Variants in GBF1 observed in about 807,000 individuals in gnomAD.
The protein encoded by GBF1 is golgi brefeldin A resistant guanine nucleotide exchange factor 1.
Under a neutral mutation model 210.5 loss-of-function variants are expected in GBF1, and 114 were observed. The observed-to-expected ratio is 0.54, with a 90% CI of 0.47 to 0.63. GBF1 has a LOEUF of 0.63. GBF1 is among the 30% of genes least tolerant of loss of function. The probability of loss-of-function intolerance (pLI) is 0.00; values close to 1 mark genes in which losing one functional copy is unlikely to be tolerated. For synonymous variants in GBF1, 850 were observed against 889.2 expected (o/e 0.96, Z 0.78); for missense variants, 1,851 against 2,357.7 (o/e 0.79, Z 4.45).
the GBF1 span, among the ~76,000 whole-genome samples, chr10:102,233,271 C>T: frequency 3.5e-5 from 5 of 143,826 alleles, no homozygotes; most frequent in African/African-American, 1.0e-4. Context: ...TGGTCTGTTT[C>T]GTTTACGACT....
intron 11 of GBF1, 127 bp from the exon 12 acceptor site, chr10:102,360,057 C>T (rs915420021): frequency 2.3e-5 from 17 of 729,782 alleles, no homozygotes; most frequent in Middle Eastern, 3.5e-4. Context: ...TGAGCCATCA[C>T]GCCCAGCCCT....
chr10:102,295,093 C>T (rs1381700548), intron 3 of GBF1, among the ~76,000 whole-genome samples: 1 of 152,190 alleles, frequency 6.6e-6, no homozygotes, highest in Admixed American at 6.5e-5. Context: ...TTCTAATTAA[C>T]AAGTGTGTAT....
intron 3 of GBF1, among the ~76,000 whole-genome samples, chr10:102,282,404 A>G (rs186859041): frequency 1.4e-4 from 21 of 152,232 alleles, no homozygotes; most frequent in African/African-American, 5.1e-4. Flanking sequence ...AAAGGCGATG[A>G]GGTTATTTAT....
At chr10:102,342,245 G>A (rs1273645878) in intron 3 of GBF1, among the ~76,000 whole-genome samples, 1 of 151,952 alleles carries the variant, frequency 6.6e-6, no homozygotes, top group Non-Finnish European at 1.5e-5. Context: ...CACCATGTTA[G>A]CCAGGATGGT....
At chr10:102,237,433 C>A in the GBF1 span, among the ~76,000 whole-genome samples, 1 of 152,132 alleles carries the variant, frequency 6.6e-6, no homozygotes, top group East Asian at 1.9e-4. Context: ...GTGTAGGCCA[C>A]GGGAGATCTG....
chr10:102,332,931 C>A (rs890346263), intron 3 of GBF1, among the ~76,000 whole-genome samples: 4 of 152,196 alleles, frequency 2.6e-5, no homozygotes, highest in Non-Finnish European at 5.9e-5. Flanking sequence ...GAGAAAAGAG[C>A]CACTGTGAAG....
chr10:102,352,652 G>T, intron 7 of GBF1, 134 bp downstream of exon 7: 1 of 686,458 alleles, frequency 1.5e-6, no homozygotes, highest in Non-Finnish European at 2.7e-6. Flanking sequence ...ATGGGGGGTA[G>T]TTCTCTGGGC....
chr10:102,369,157 T>C, intron 23 of GBF1, 54 bp from the exon 24 acceptor site: 3 of 1,340,352 alleles, frequency 2.2e-6, no homozygotes, highest in Non-Finnish European at 3.2e-6. Flanking sequence ...CCTAAGAGAT[T>C]TTCCTTTCCA....
intron 3 of GBF1, among the ~76,000 whole-genome samples, chr10:102,283,709 C>T (rs919893570): frequency 1.3e-5 from 2 of 152,156 alleles, no homozygotes; most frequent in African/African-American, 4.8e-5. Flanking sequence ...GTGCTTCTAC[C>T]AGTAAGTCTT....
At chr10:102,296,699 C>CA in intron 3 of GBF1, among the ~76,000 whole-genome samples, 1 of 151,034 alleles carries the variant, frequency 6.6e-6, no homozygotes, top group East Asian at 1.9e-4. Context: ...TGAGATCGTG[C>CA]CACTGCACTC....
Position 102,258,972 on chromosome 10 carries a change from G to T in GBF1, c.34G>T (p.Glu12Ter). ...TAAGAATATTTACATCATTCAAGGG[G>T]AGATTAACATTGTGGTTGGGGCCAT... is the stretch of plus-strand genomic sequence containing the variant. ...VDKNIYIIQG[E>*]INIVVGAIKR... The change falls in exon 2 of 40, where the codon GAG (glutamate) becomes TAG (stop). Residue 12 changes from glutamate (E) to a stop codon, truncating the protein, a stop_gained. Coordinates refer to ENST00000369983, the MANE Select transcript of GBF1 (RefSeq NM_001377137.1). LOFTEE classifies it high-confidence loss of function. 1 of 1,606,550 alleles carries T rather than the reference G, an allele frequency of 6.2e-7. No homozygotes were observed. The highest frequency in any genetic ancestry group is 1.1e-5 in the South Asian group (1 of 90,930).
At chr10:102,240,957 C>T (rs977334610), upstream of GBF1, among the ~76,000 whole-genome samples, 1 of 152,024 alleles carries the variant, frequency 6.6e-6, no homozygotes, top group Non-Finnish European at 1.5e-5. Flanking sequence ...GCCCCGCCAG[C>T]TCCCCCGCTG....
At chr10:102,351,444 C>T (rs1222828673) in intron 5 of GBF1, 70 bp downstream of exon 5, 2 of 880,604 alleles carry the variant, frequency 2.3e-6, no homozygotes, top group East Asian at 4.8e-5. Flanking sequence ...CTTACTCTGC[C>T]CACAGCATGA....
chr10:102,315,671 G>A (rs774901654), intron 3 of GBF1, among the ~76,000 whole-genome samples: 1 of 152,084 alleles, frequency 6.6e-6, no homozygotes, highest in Non-Finnish European at 1.5e-5. Flanking sequence ...TAATGTCGTC[G>A]CTAATCTGAC....
In GBF1 at chr10:102,337,369, C is replaced by CAA. The variant is rs376089186; in HGVS notation, c.164-6666_164-6665dup. ...TGGGCGACAGAGCGAGACTCCGCCT[C>CAA]AAAAAAAAAAAAAAAAACTATGGGT... On this transcript the variant is annotated intron_variant, in intron 3 of 39. Coordinates refer to ENST00000369983, the MANE Select transcript of GBF1 (RefSeq NM_001377137.1). Among the ~76,000 whole-genome samples the CAA allele has an allele frequency of 7.2e-3, 666 of 92,500 alleles. 16 individuals carry two copies. Among genetic ancestry groups the CAA allele is most frequent in the East Asian group, 0.047 (164 of 3,516 alleles). The allele number at this position is 92,500 out of a possible 152,430, so 60.7% of individuals were successfully genotyped here.
the GBF1 span, chr10:102,231,802 G>A: frequency 4.4e-6 from 7 of 1,594,760 alleles, no homozygotes; most frequent in Non-Finnish European, 3.4e-6. Flanking sequence ...TGGGGGCCAG[G>A]GTGGGGGCAG....
At chr10:102,282,636 G>A (rs2075603643) in intron 3 of GBF1, among the ~76,000 whole-genome samples, 1 of 152,210 alleles carries the variant, frequency 6.6e-6, no homozygotes, top group Admixed American at 6.5e-5. Flanking sequence ...AAAATCCTGA[G>A]TTAGCCTTGT....
chr10:102,315,482 G>C (rs1565099234), intron 3 of GBF1, among the ~76,000 whole-genome samples: 1 of 152,184 alleles, frequency 6.6e-6, no homozygotes, highest in Non-Finnish European at 1.5e-5. Context: ...CCAGGGACTG[G>C]TTTCATGGCA....
intron 3 of GBF1, among the ~76,000 whole-genome samples, chr10:102,340,699 A>T (rs986147294): frequency 2.6e-5 from 4 of 152,206 alleles, no homozygotes; most frequent in African/African-American, 9.6e-5. Context: ...CAACCTGGTC[A>T]ATTTATTTTT....
Sources: gnomAD v4.1 joint callset for allele counts (sites outside exome capture counted in the v4.1 genomes callset) on GRCh38, gnomAD v4.1.1 for gene constraint, MANE v1.5 for transcripts, NCBI Gene and HGNC (gene_info 2026-07-23, HGNC 2026-07-21) for gene names.